The following SPTBN1 variants were observed in gnomAD, a reference collection of about 807,000 sequenced individuals.
SPTBN1 encodes spectrin beta, non-erythrocytic 1.
A neutral mutation model predicts 266.4 loss-of-function variants in SPTBN1; 32 were observed. The observed-to-expected ratio is 0.12, with a 90% CI of 0.09 to 0.16. The LOEUF (loss-of-function observed/expected upper bound fraction) is 0.16. Ranked by LOEUF, SPTBN1 falls within the 10% of genes least tolerant of loss-of-function variation. The pLI is 1.00. For synonymous variants in SPTBN1, 1,336 were observed against 1,162.2 expected (o/e 1.15, Z -3.04); for missense variants, 2,296 against 3,067.1 (o/e 0.75, Z 5.94).
chr2:54,504,038 A>G (rs1488648331), intron 1 of SPTBN1, among the ~76,000 whole-genome samples: 1 of 152,256 alleles, frequency 6.6e-6, no homozygotes, highest in Non-Finnish European at 1.5e-5. Flanking sequence ...TTACAATATG[A>G]CTAATGCTGA....
At chr2:54,648,925 C>A in intron 24 of SPTBN1, 61 bp from the exon 25 acceptor site, 8 of 1,454,956 alleles carry the variant, frequency 5.5e-6, no homozygotes, top group Non-Finnish European at 7.5e-6. Context: ...ATTTGTTTTT[C>A]CCCTGAAGAA....
intron 1 of SPTBN1, among the ~76,000 whole-genome samples, chr2:54,495,236 G>C (rs779555810): frequency 8.5e-5 from 13 of 152,182 alleles, no homozygotes; most frequent in Non-Finnish European, 1.2e-4. Flanking sequence ...TGTTTTGAAA[G>C]CGTTGTACAT....
At chr2:54,526,673 C>G (rs145299236) in intron 2 of SPTBN1, 107 bp downstream of exon 2, 6 of 1,349,506 alleles carry the variant, frequency 4.4e-6, no homozygotes, top group Non-Finnish European at 5.9e-6. Context: ...AAGGTTGTCT[C>G]ACTTCTATTT....
At chr2:54,630,831 C>T (rs1002074078) in intron 15 of SPTBN1, 24 bp from the exon 16 acceptor site, 8 of 1,536,028 alleles carry the variant, frequency 5.2e-6, no homozygotes, top group African/African-American at 4.1e-5. Flanking sequence ...TTTTCACACT[C>T]GCTGTCTGCC....
intron 10 of SPTBN1, among the ~76,000 whole-genome samples, chr2:54,624,224 C>T (rs565617944): frequency 1.3e-5 from 2 of 152,298 alleles, no homozygotes; most frequent in African/African-American, 2.4e-5. Context: ...AGTCCTCCCA[C>T]CTCGGCTTTC....
At chr2:54,519,869 G>A (rs1306475981) in intron 1 of SPTBN1, among the ~76,000 whole-genome samples, 1 of 152,160 alleles carries the variant, frequency 6.6e-6, no homozygotes, top group Non-Finnish European at 1.5e-5. Flanking sequence ...TGTGGAGCGA[G>A]AGGGAGAAAT....
chr2:54,650,446 A>G (rs953672674), intron 26 of SPTBN1, among the ~76,000 whole-genome samples: 4 of 152,188 alleles, frequency 2.6e-5, no homozygotes, highest in Admixed American at 1.3e-4. Flanking sequence ...TGTTTAAAAG[A>G]TGTTTGACAA....
chr2:54,657,803 C>G, intron 29 of SPTBN1, 47 bp from the exon 30 acceptor site: 2 of 1,611,868 alleles, frequency 1.2e-6, no homozygotes, highest in Non-Finnish European at 1.7e-6. Context: ...ATATGACTGC[C>G]CGGCACCTCC....
In SPTBN1 at chr2:54,534,582, G is replaced by A. The variant is rs1671481959; in HGVS notation, c.148+8016G>A. On this transcript the variant is annotated intron_variant, in intron 2 of 35. Transcript: ENST00000356805. ...GTTTCCATGGTTTTCTCACCATAGA[G>A]GTGGAAGAATCTTTGCTTTACTTTT... Among the ~76,000 whole-genome samples, 8 of 152,320 alleles carry A rather than the reference G, an allele frequency of 5.3e-5. No individual in the cohort carries two copies. In the South Asian group the frequency reaches 1.7e-3, roughly 32 times the overall value.
intron 1 of SPTBN1, chr2:54,516,269 A>G (rs1226598036): frequency 6.6e-6 from 1 of 152,192 alleles, no homozygotes; most frequent in Non-Finnish European, 1.5e-5. Flanking sequence ...AGGGCTAATA[A>G]TAGTATCTAC....
intron 1 of SPTBN1, among the ~76,000 whole-genome samples, chr2:54,504,048 A>G (rs1373171940): frequency 3.3e-5 from 5 of 152,208 alleles, no homozygotes; most frequent in Non-Finnish European, 7.3e-5. Context: ...ACTAATGCTG[A>G]ATATGTGTGC....
chr2:54,642,288 G>A (rs73937509), intron 18 of SPTBN1, among the ~76,000 whole-genome samples: 1,544 of 152,316 alleles, frequency 0.01, 34 homozygotes, highest in African/African-American at 0.035. Flanking sequence ...CGGCTCTCTA[G>A]AGTTCAGATC....
intron 1 of SPTBN1, among the ~76,000 whole-genome samples, chr2:54,493,573 TGTATTTTTA>T (rs1402034587): frequency 2.0e-5 from 3 of 152,126 alleles, no homozygotes; most frequent in Admixed American, 2.0e-4. Flanking sequence ...GGCTAATTTT[TGTATTTTTA>T]GTAGAGACAA....
intron 2 of SPTBN1, among the ~76,000 whole-genome samples, chr2:54,531,092 T>C (rs181795241): frequency 1.7e-3 from 257 of 152,300 alleles, no homozygotes; most frequent in Non-Finnish European, 3.0e-3. Context: ...TGGCCGTTCC[T>C]GAGTTGTAAC....
At chr2:54,518,183 A>T (rs1437900462) in intron 1 of SPTBN1, among the ~76,000 whole-genome samples, 2 of 152,006 alleles carry the variant, frequency 1.3e-5, no homozygotes, top group East Asian at 3.8e-4. Flanking sequence ...CCTGAGTAAT[A>T]ATAGGTCAGA....
intron 2 of SPTBN1, among the ~76,000 whole-genome samples, chr2:54,555,162 CA>C (rs1558833894): frequency 6.6e-6 from 1 of 152,212 alleles, no homozygotes; most frequent in Non-Finnish European, 1.5e-5. Flanking sequence ...CTCCCAAACC[CA>C]GGCCTTCCCC....
chr2:54,598,993 C>T, intron 2 of SPTBN1, 99 bp from the exon 3 acceptor site: 1 of 1,437,714 alleles, frequency 7.0e-7, no homozygotes, highest in Non-Finnish European at 9.5e-7. Context: ...GTCAGTTTTG[C>T]TGACCTTCCT....
intron 3 of SPTBN1, among the ~76,000 whole-genome samples, chr2:54,605,177 C>T (rs1029882357): frequency 1.3e-5 from 2 of 152,128 alleles, no homozygotes; most frequent in Non-Finnish European, 2.9e-5. Flanking sequence ...CTATTGTTAC[C>T]TCTTCTTCCT....
intron 2 of SPTBN1, chr2:54,546,592 T>G (rs1672250931): frequency 6.6e-6 from 1 of 152,192 alleles, no homozygotes; most frequent in South Asian, 2.1e-4. Context: ...TTCATGAAGG[T>G]TGGGTTGTCG....
Sources: gnomAD v4.1 joint callset for allele counts (sites outside exome capture counted in the v4.1 genomes callset) on GRCh38, gnomAD v4.1.1 for gene constraint, MANE v1.5 for transcripts, NCBI Gene and HGNC (gene_info 2026-07-23, HGNC 2026-07-21) for gene names.